DDR2: variants seen among roughly 807,000 people sequenced by gnomAD.
The protein encoded by DDR2 is discoidin domain-containing receptor 2.
Under a neutral mutation model 94.9 loss-of-function variants are expected in DDR2, and 27 were observed. The observed-to-expected ratio is 0.28, with a 90% CI of 0.21 to 0.39. The LOEUF (loss-of-function observed/expected upper bound fraction) is 0.39, where lower values mean the gene tolerates loss of function less well. DDR2 is among the 10% of genes least tolerant of loss of function. The pLI, the probability that DDR2 is intolerant of heterozygous loss-of-function variation, is 1.00. For synonymous variants in DDR2, 382 were observed against 377.2 expected (o/e 1.01, Z -0.15); for missense variants, 783 against 1,076.0 (o/e 0.73, Z 3.81).
At chr1:162,646,607 T>G (rs975747686) in intron 1 of DDR2, among the ~76,000 whole-genome samples, 2 of 152,144 alleles carry the variant, frequency 1.3e-5, no homozygotes, top group African/African-American at 4.8e-5. Flanking sequence ...CACTAAAGCC[T>G]CTTCTTATGT....
At chr1:162,678,812 T>C (rs1437530956) in intron 2 of DDR2, among the ~76,000 whole-genome samples, 1 of 152,162 alleles carries the variant, frequency 6.6e-6, no homozygotes, top group South Asian at 2.1e-4. Flanking sequence ...GCCACTGAAC[T>C]CCAGGCTGGA....
chr1:162,633,900 T>G (rs1171106882), intron 1 of DDR2, among the ~76,000 whole-genome samples: 1 of 152,238 alleles, frequency 6.6e-6, no homozygotes, highest in African/African-American at 2.4e-5. Context: ...CTCACAGCTA[T>G]GTAAGGCATT....
chr1:162,747,458 T>TA (rs142580762), intron 3 of DDR2, among the ~76,000 whole-genome samples: 122,198 of 150,634 alleles, frequency 0.81, 50,781 homozygotes, highest in Non-Finnish European at 0.91. Context: ...GAAAAAAGAG[T>TA]AAAAAAAAAT....
intron 2 of DDR2, among the ~76,000 whole-genome samples, chr1:162,715,266 G>T (rs1297762559): frequency 2.0e-5 from 3 of 152,090 alleles, no homozygotes; most frequent in African/African-American, 7.2e-5. Context: ...GTGTGTTGGG[G>T]GGGAATACAA....
intron 1 of DDR2, among the ~76,000 whole-genome samples, chr1:162,653,297 C>A (rs1254933685): frequency 6.6e-6 from 1 of 152,080 alleles, no homozygotes; most frequent in African/African-American, 2.4e-5. Context: ...TGTTTGGGGG[C>A]CGGGCATGGT....
In DDR2 at chr1:162,690,680, T is replaced by A. The variant is rs556546619; in HGVS notation, c.-27-28357T>A. On this transcript the variant is annotated intron_variant, in intron 2 of 17. Coordinates refer to ENST00000367921, the MANE Select transcript of DDR2 (RefSeq NM_006182.4). ...TAAACATAAAAAGTTATGCCTTCCC[T>A]AATGTTATTTGAAATTTCTGAGTAA... 3.3e-5 allele frequency among the ~76,000 whole-genome samples: 5 copies of A among 151,888 alleles called. No individual in the cohort carries two copies. In the South Asian group the frequency reaches 1.0e-3, roughly 32 times the overall value.
At chr1:162,729,958 G>T (rs1228337438) in intron 3 of DDR2, among the ~76,000 whole-genome samples, 1 of 148,598 alleles carries the variant, frequency 6.7e-6, no homozygotes, top group East Asian at 2.0e-4. Context: ...GGTCAGGCTG[G>T]TCTCGAACTC....
upstream of DDR2, among the ~76,000 whole-genome samples, chr1:162,631,653 C>T (rs991079110): frequency 1.3e-5 from 2 of 152,038 alleles, no homozygotes; most frequent in African/African-American, 2.4e-5. Flanking sequence ...TATTAGTTAT[C>T]GTTTGGAGAG....
intron 3 of DDR2, among the ~76,000 whole-genome samples, chr1:162,739,966 A>G (rs1461348260): frequency 7.5e-6 from 1 of 133,804 alleles, no homozygotes; most frequent in African/African-American, 2.8e-5. Context: ...ATGGAACCTG[A>G]AAAAAAAAAA....
intron 1 of DDR2, among the ~76,000 whole-genome samples, chr1:162,640,167 G>C (rs912959767): frequency 6.6e-6 from 1 of 151,686 alleles, no homozygotes; most frequent in Admixed American, 6.6e-5. Flanking sequence ...TCAGCCTCCT[G>C]AGTAGCTGGG....
chr1:162,670,264 C>T (rs919100345), intron 2 of DDR2, among the ~76,000 whole-genome samples: 1 of 152,186 alleles, frequency 6.6e-6, no homozygotes, highest in Non-Finnish European at 1.5e-5. Context: ...GCATGCGCCA[C>T]CATGCCTGGC....
At chr1:162,633,149 T>A (rs746311741) in intron 1 of DDR2, among the ~76,000 whole-genome samples, 4 of 152,034 alleles carry the variant, frequency 2.6e-5, no homozygotes, top group Non-Finnish European at 4.4e-5. Context: ...CCCCCTGAGA[T>A]TTGGGGTGGC....
At chr1:162,666,933 A>AAT (rs919961170) in intron 2 of DDR2, among the ~76,000 whole-genome samples, 16 of 149,920 alleles carry the variant, frequency 1.1e-4, no homozygotes, top group Non-Finnish European at 1.6e-4. Flanking sequence ...TAAACTCATG[A>AAT]ATATATATAT....
chr1:162,694,527 C>A (rs561859615), intron 2 of DDR2, among the ~76,000 whole-genome samples: 1 of 152,272 alleles, frequency 6.6e-6, no homozygotes, highest in African/African-American at 2.4e-5. Flanking sequence ...GTCCCTTAAA[C>A]CTTGGCCAAG....
intron 7 of DDR2, among the ~76,000 whole-genome samples, chr1:162,759,078 A>G (rs768050773): frequency 3.5e-4 from 54 of 152,350 alleles, no homozygotes; most frequent in Admixed American, 6.5e-4. Context: ...AAGCTAGAAC[A>G]CAAAACTAAA....
chr1:162,658,708 G>A (rs1332365927), intron 2 of DDR2, among the ~76,000 whole-genome samples: 6 of 151,236 alleles, frequency 4.0e-5, no homozygotes, highest in Admixed American at 1.3e-4. Context: ...CCTGCCTGTC[G>A]TTCCAGCTAC....
intron 1 of DDR2, among the ~76,000 whole-genome samples, chr1:162,635,941 A>C (rs1656794980): frequency 6.6e-6 from 1 of 152,240 alleles, no homozygotes; most frequent in South Asian, 2.1e-4. Context: ...ATTTAGTAAC[A>C]CTGTGCTAAT....
At chr1:162,713,543 T>TTA (rs1250325800) in intron 2 of DDR2, among the ~76,000 whole-genome samples, 4 of 152,052 alleles carry the variant, frequency 2.6e-5, no homozygotes, top group Admixed American at 2.0e-4. Context: ...CTTCCAGATC[T>TTA]TATATATATA....
chr1:162,666,451 A>G (rs564796363), intron 2 of DDR2, among the ~76,000 whole-genome samples: 4 of 152,334 alleles, frequency 2.6e-5, no homozygotes, highest in African/African-American at 7.2e-5. Flanking sequence ...AACTCCGGAA[A>G]GAGTATGCAG....
Sources: allele counts gnomAD v4.1 joint callset (sites outside exome capture counted in the v4.1 genomes callset), GRCh38; gene constraint gnomAD v4.1.1; transcripts MANE v1.5; gene names NCBI Gene and HGNC (gene_info 2026-07-23, HGNC 2026-07-21).